Variants in KCNH7 observed in about 807,000 individuals in gnomAD.
KCNH7 encodes the protein voltage-gated inwardly rectifying potassium channel KCNH7.
A neutral mutation model predicts 120.8 loss-of-function variants in KCNH7; 49 were observed. That is an observed-to-expected ratio of 0.41 (90% CI 0.32 to 0.51). KCNH7 has a LOEUF of 0.51. Ranked by LOEUF, KCNH7 falls within the 20% of genes least tolerant of loss-of-function variation. The probability of loss-of-function intolerance (pLI) is 0.38; values close to 1 mark genes in which losing one functional copy is unlikely to be tolerated. For missense variants in KCNH7, 1,097 were observed against 1,446.6 expected, an observed-to-expected ratio of 0.76 and a Z score of 3.92; for synonymous variants, 547 against 516.1, an observed-to-expected ratio of 1.06 and a Z score of -0.81.
intron 2 of KCNH7, among the ~76,000 whole-genome samples, chr2:162,576,851 T>G (rs1253781373): frequency 2.0e-5 from 3 of 152,008 alleles, no homozygotes; most frequent in African/African-American, 7.2e-5. Flanking sequence ...ACAGAAACTC[T>G]TTCAACTAGG....
At chr2:162,516,399 G>A (rs1691297748) in intron 4 of KCNH7, among the ~76,000 whole-genome samples, 1 of 151,736 alleles carries the variant, frequency 6.6e-6, no homozygotes, top group Non-Finnish European at 1.5e-5. Flanking sequence ...GCAGGGAAGA[G>A]TATTCCAGGA....
At chr2:162,564,458 C>T (rs1478533089) in intron 2 of KCNH7, among the ~76,000 whole-genome samples, 2 of 152,106 alleles carry the variant, frequency 1.3e-5, no homozygotes, top group East Asian at 1.9e-4. Context: ...AGCCACATCC[C>T]CCTGAGGAAA....
chr2:162,808,738 GAT>G (rs988650380), intron 2 of KCNH7, among the ~76,000 whole-genome samples: 1 of 151,210 alleles, frequency 6.6e-6, no homozygotes, highest in Non-Finnish European at 1.5e-5. Flanking sequence ...ATATATTAAA[GAT>G]ATATATACAT....
intron 12 of KCNH7, among the ~76,000 whole-genome samples, chr2:162,391,448 C>T (rs1381309799): frequency 6.6e-6 from 1 of 152,058 alleles, no homozygotes; most frequent in Non-Finnish European, 1.5e-5. Context: ...TTGGAATAGG[C>T]TCTTGGGCTC....
chr2:162,395,094 A>C (rs1235957691), intron 11 of KCNH7, among the ~76,000 whole-genome samples: 2 of 151,788 alleles, frequency 1.3e-5, no homozygotes, highest in Admixed American at 6.6e-5. Flanking sequence ...ACATTTTATA[A>C]AAATATACAA....
At chr2:162,488,338 T>G (rs1385862) in intron 6 of KCNH7, among the ~76,000 whole-genome samples, 4 of 152,170 alleles carry the variant, frequency 2.6e-5, no homozygotes, top group Admixed American at 2.6e-4. Flanking sequence ...ATATGATATT[T>G]TTTTTCTTCC....
At chr2:162,829,149 C>T (rs1685387950) in intron 2 of KCNH7, among the ~76,000 whole-genome samples, 1 of 152,044 alleles carries the variant, frequency 6.6e-6, no homozygotes, top group Non-Finnish European at 1.5e-5. Context: ...CTTAATTGTT[C>T]AGTAATAAGA....
intron 2 of KCNH7, among the ~76,000 whole-genome samples, chr2:162,729,529 T>C (rs1290231622): frequency 6.6e-6 from 1 of 152,228 alleles, no homozygotes; most frequent in Non-Finnish European, 1.5e-5. Flanking sequence ...ACAGATTTGG[T>C]AACCTCATTA....
intron 2 of KCNH7, among the ~76,000 whole-genome samples, chr2:162,777,170 C>T (rs1263127003): frequency 1.3e-5 from 2 of 152,088 alleles, no homozygotes; most frequent in Non-Finnish European, 2.9e-5. Flanking sequence ...AGACATAACT[C>T]GGTATCCATG....
intron 9 of KCNH7, among the ~76,000 whole-genome samples, chr2:162,413,912 A>G (rs1687467342): frequency 1.3e-5 from 2 of 151,998 alleles, no homozygotes; most frequent in African/African-American, 4.8e-5. Flanking sequence ...ATAAAATAAA[A>G]TAATACGGAA....
At chr2:162,689,134 A>G (rs1373147162) in intron 2 of KCNH7, among the ~76,000 whole-genome samples, 2 of 135,654 alleles carry the variant, frequency 1.5e-5, no homozygotes, top group East Asian at 5.7e-4. Flanking sequence ...ATTGTATTAC[A>G]TTTAGTTACT....
intron 2 of KCNH7, among the ~76,000 whole-genome samples, chr2:162,769,715 G>A (rs1002966784): frequency 1.3e-5 from 2 of 151,772 alleles, no homozygotes; most frequent in African/African-American, 4.8e-5. Context: ...ACATGCATAT[G>A]TGCACATATA....
rs889718074 is a variant in KCNH7, at chr2:162,436,716, A to G, written c.1555-1119T>C. Among the ~76,000 whole-genome samples, 4 of 152,294 alleles carry G rather than the reference A, an allele frequency of 2.6e-5. No individual in the cohort carries two copies. In the East Asian group the frequency reaches 5.8e-4, roughly 22 times the overall value. On this transcript the variant is annotated intron_variant, in intron 7 of 15. Coordinates refer to ENST00000332142, the MANE Select transcript of KCNH7 (RefSeq NM_033272.4). ...ACATCCAACTACATTAAGAACACTT[A>G]TATCTTAATGGAAGAAATAGCACAT...
At chr2:162,588,149 A>G (rs1277534907) in intron 2 of KCNH7, among the ~76,000 whole-genome samples, 2 of 152,112 alleles carry the variant, frequency 1.3e-5, no homozygotes, top group African/African-American at 4.8e-5. Context: ...ATGAGAAAAG[A>G]GGCAAGGACA....
intron 2 of KCNH7, among the ~76,000 whole-genome samples, chr2:162,669,124 T>C (rs1037610086): frequency 6.6e-6 from 1 of 152,102 alleles, no homozygotes; most frequent in Non-Finnish European, 1.5e-5. Flanking sequence ...TAAAGGGTCA[T>C]AGAGAAAGAT....
chr2:162,689,542 G>T (rs922018397), intron 2 of KCNH7, among the ~76,000 whole-genome samples: 8 of 152,038 alleles, frequency 5.3e-5, no homozygotes, highest in Non-Finnish European at 1.2e-4. Context: ...CAAACACAAT[G>T]CCTACAATAA....
intron 2 of KCNH7, among the ~76,000 whole-genome samples, chr2:162,567,132 A>G (rs1693282795): frequency 6.6e-6 from 1 of 152,028 alleles, no homozygotes; most frequent in Non-Finnish European, 1.5e-5. Flanking sequence ...AAATATGAAT[A>G]TGGTCATTAT....
At chr2:162,752,155 C>T (rs1289740571) in intron 2 of KCNH7, among the ~76,000 whole-genome samples, 3 of 152,072 alleles carry the variant, frequency 2.0e-5, no homozygotes, top group Non-Finnish European at 4.4e-5. Context: ...CAGAAGTCAT[C>T]TAAATACTTT....
Position 162,568,448 on chromosome 2 carries a change from C to A in KCNH7, c.308-31368G>T, listed in dbSNP as rs563340309. Among the ~76,000 whole-genome samples, 203 of 152,134 alleles carry A rather than the reference C, an allele frequency of 1.3e-3. 1 individual carries two copies. The highest frequency in any genetic ancestry group is 4.5e-3 in the African/African-American group (187 of 41,538). On this transcript the variant is annotated intron_variant, in intron 2 of 15. Transcript: ENST00000332142. ...TGCAATATTTGCATTTGGATGAAAT[C>A]ACCTAATGACACATTTCTCAGAAAA...
Sources: allele counts gnomAD v4.1 joint callset (sites outside exome capture counted in the v4.1 genomes callset), GRCh38; gene constraint gnomAD v4.1.1; transcripts MANE v1.5; gene names NCBI Gene and HGNC (gene_info 2026-07-23, HGNC 2026-07-21).